PSME3IP1: variants seen among roughly 807,000 people sequenced by gnomAD.
PSME3IP1 encodes the protein PSME3-interacting protein.
A neutral mutation model predicts 34.1 loss-of-function variants in PSME3IP1; 13 were observed. The observed-to-expected ratio is 0.38, with a 90% CI of 0.25 to 0.61. PSME3IP1 has a LOEUF of 0.61. Among genes scored for constraint, PSME3IP1 ranks in the 20% least tolerant of loss-of-function variants. PSME3IP1 has a pLI of 0.60. For synonymous variants in PSME3IP1, 93 were observed against 114.3 expected (o/e 0.81, Z 1.19); for missense variants, 237 against 301.4 (o/e 0.79, Z 1.58).
At chr16:57,176,038 G>T (rs1211504342) in intron 1 of PSME3IP1, among the ~76,000 whole-genome samples, 2 of 152,304 alleles carry the variant, frequency 1.3e-5, no homozygotes, top group East Asian at 1.9e-4. Flanking sequence ...CCACAACCTG[G>T]ACACTTCTGA....
intron 6 of PSME3IP1, among the ~76,000 whole-genome samples, chr16:57,158,867 A>G (rs1348896081): frequency 6.6e-6 from 1 of 152,240 alleles, no homozygotes; most frequent in Non-Finnish European, 1.5e-5. Context: ...AAACCTGTAC[A>G]GCATGTTACT....
rs2071613068 is a variant in PSME3IP1, at chr16:57,164,397, A to C, written c.483-332T>G. On this transcript the variant is annotated intron_variant, in intron 5 of 6. Transcript: ENST00000309137. The stretch of plus-strand genomic sequence containing the variant: ...ATATTTAGACATGTTCATAAATGAC[A>C]AACATTTAGTAATTACAGATTGAAG... Among the ~76,000 whole-genome samples, 2 of 152,218 alleles carry C rather than the reference A, an allele frequency of 1.3e-5. 1 individual carries two copies. The highest frequency in any genetic ancestry group is 4.1e-4 in the South Asian group (2 of 4,826).
intron 5 of PSME3IP1, among the ~76,000 whole-genome samples, chr16:57,164,292 G>A (rs2071602284): frequency 6.6e-6 from 1 of 152,204 alleles, no homozygotes; most frequent in Non-Finnish European, 1.5e-5. Context: ...ATAAAGCACT[G>A]TATCAACCAT....
chr16:57,180,435 C>A (rs1349739719), intron 1 of PSME3IP1, among the ~76,000 whole-genome samples: 1 of 151,318 alleles, frequency 6.6e-6, no homozygotes, highest in Non-Finnish European at 1.5e-5. Flanking sequence ...ACTAAAAATA[C>A]AAAAATTAGC....
intron 1 of PSME3IP1, chr16:57,175,001 T>C (rs1182538234): frequency 4.0e-5 from 6 of 151,376 alleles, no homozygotes; most frequent in Non-Finnish European, 7.4e-5. Context: ...GCAGAGTGTA[T>C]ATTACTTATT....
At chr16:57,173,648 A>T in intron 2 of PSME3IP1, 80 bp downstream of exon 2, 1 of 1,534,054 alleles carries the variant, frequency 6.5e-7, no homozygotes, top group Non-Finnish European at 8.9e-7. Context: ...AATAAATAAA[A>T]CCAAGTGAGG....
At chr16:57,166,768 T>G (rs2071925569) in intron 5 of PSME3IP1, among the ~76,000 whole-genome samples, 1 of 152,260 alleles carries the variant, frequency 6.6e-6, no homozygotes. Context: ...TCTTCTCATC[T>G]ACAAAACAGG....
chr16:57,172,755 T>G, intron 3 of PSME3IP1, 21 bp downstream of exon 3: 1 of 1,559,522 alleles, frequency 6.4e-7, no homozygotes, highest in South Asian at 1.1e-5. Flanking sequence ...CCCCTTGAAC[T>G]CTCTGTTTTC....
intron 1 of PSME3IP1, among the ~76,000 whole-genome samples, chr16:57,183,621 C>T (rs937572962): frequency 3.3e-5 from 5 of 152,114 alleles, no homozygotes; most frequent in African/African-American, 1.2e-4. Context: ...GTGTAAGCTA[C>T]CACGCCCAGC....
chr16:57,153,961 C>A lies in PSME3IP1; in HGVS notation c.*329G>T. The A allele has an allele frequency of 3.2e-6, 1 of 310,374 alleles. No homozygotes were observed. The highest frequency in any genetic ancestry group is 6.0e-6 in the Non-Finnish European group (1 of 165,434). 19.2% of individuals were successfully genotyped at this position (310,374 alleles called of 1,614,324 possible). A position where few individuals can be genotyped will look rare whatever the true frequency, so the allele number is the denominator to read the frequency against. ...AAAGAAAAAACAGAAAGCAATAAAA[C>A]CCAAACCCTTTGGCAAGCCAGCCGG... On this transcript the variant is annotated 3_prime_UTR_variant, in exon 7 of 7. Coordinates refer to ENST00000309137, the MANE Select transcript of PSME3IP1 (RefSeq NM_024946.4).
rs776086348 is a variant in PSME3IP1, at chr16:57,154,347, G to T, written c.708C>A (p.Ala236=). ...AGATGGAGGAGACAATCTTTCCGGT[G>T]GCATTGATGGTGCCTTCGCTGTCTG... is the stretch of plus-strand genomic sequence containing the variant. ...SSSDSEGTIN[A]TGKIVSSIFR... is the part of the protein sequence containing the mutation. Residue 236 remains alanine (A), a synonymous_variant, in exon 7 of 7, where the codon GCC becomes GCA. Coordinates refer to ENST00000309137, the MANE Select transcript of PSME3IP1 (RefSeq NM_024946.4). The surrounding 1 kb of genome is among the most constrained non-coding windows in gnomAD (Gnocchi z 4.0). 3.1e-6 allele frequency: 5 copies of T among 1,614,094 alleles called. No homozygotes were observed. Among genetic ancestry groups the T allele is most frequent in the Non-Finnish European group, 4.2e-6 (5 of 1,180,012 alleles).
intron 6 of PSME3IP1, among the ~76,000 whole-genome samples, chr16:57,156,025 AG>A (rs1292444460): frequency 2.0e-5 from 3 of 152,122 alleles, no homozygotes; most frequent in Admixed American, 1.3e-4. Context: ...AGGAGGAGGA[AG>A]AAAAGAAAAT....
chr16:57,179,212 C>G (rs2073475046), intron 1 of PSME3IP1, among the ~76,000 whole-genome samples: 1 of 152,192 alleles, frequency 6.6e-6, no homozygotes, highest in South Asian at 2.1e-4. Context: ...TCAAACTAAA[C>G]ATTACATTAT....
intron 1 of PSME3IP1, among the ~76,000 whole-genome samples, chr16:57,177,769 T>G (rs531931808): frequency 6.6e-6 from 1 of 152,214 alleles, no homozygotes; most frequent in African/African-American, 2.4e-5. Context: ...CCCAACACTT[T>G]GGGAGGCCAA....
chr16:57,169,060 A>G (rs1429733708), intron 4 of PSME3IP1, among the ~76,000 whole-genome samples: 1 of 152,160 alleles, frequency 6.6e-6, no homozygotes, highest in African/African-American at 2.4e-5. Context: ...GAAATGAAGA[A>G]AAGTCCTAAC....
chr16:57,156,637 G>T (rs1462791846), intron 6 of PSME3IP1, among the ~76,000 whole-genome samples: 1 of 152,102 alleles, frequency 6.6e-6, no homozygotes, highest in Non-Finnish European at 1.5e-5. Flanking sequence ...ACAAAAAAAA[G>T]GCAGGAGCAA....
intron 4 of PSME3IP1, among the ~76,000 whole-genome samples, chr16:57,169,102 T>C (rs990244041): frequency 6.6e-6 from 1 of 152,156 alleles, no homozygotes; most frequent in Non-Finnish European, 1.5e-5. Flanking sequence ...AATAATCTTA[T>C]TTTTGATCCG....
chr16:57,172,222 A>T (rs1335036681), intron 4 of PSME3IP1, 29 bp downstream of exon 4: 1 of 1,610,688 alleles, frequency 6.2e-7, no homozygotes, highest in Admixed American at 1.7e-5. Context: ...TGGACACCTT[A>T]CAGGTTTTCC....
At chr16:57,185,783 A>G (rs1374887219) in intron 1 of PSME3IP1, 38 bp downstream of exon 1, 5 of 985,344 alleles carry the variant, frequency 5.1e-6, no homozygotes, top group Non-Finnish European at 6.0e-6. Flanking sequence ...GCTGGAACCC[A>G]GGTGTCGCCG....
Sources: gnomAD v4.1 joint callset for allele counts (sites outside exome capture counted in the v4.1 genomes callset) on GRCh38, gnomAD v4.1.1 for gene constraint, Gnocchi (gnomAD v3.1) non-coding constraint, MANE v1.5 for transcripts, NCBI Gene and HGNC (gene_info 2026-07-23, HGNC 2026-07-21) for gene names.